Variants in LARGE1 observed in about 807,000 individuals in gnomAD.
LARGE1 encodes xylosyl- and glucuronyltransferase LARGE1.
Under a neutral mutation model 87.6 loss-of-function variants are expected in LARGE1, and 43 were observed. The observed-to-expected ratio is 0.49, with a 90% CI of 0.38 to 0.63. The LOEUF is 0.63. Ranked by LOEUF, LARGE1 falls within the 30% of genes least tolerant of loss-of-function variation. LARGE1 has a pLI of 0.00. For missense variants in LARGE1, 802 were observed against 1,000.2 expected, an observed-to-expected ratio of 0.80 and a Z score of 2.67; for synonymous variants, 434 against 394.6, an observed-to-expected ratio of 1.10 and a Z score of -1.18.
intron 11 of LARGE1, among the ~76,000 whole-genome samples, chr22:33,227,461 T>C (rs1925798463): frequency 6.6e-6 from 1 of 152,214 alleles, no homozygotes; most frequent in Non-Finnish European, 1.5e-5. Flanking sequence ...CCTACCCTAG[T>C]TACATTATCT....
rs372712948 is a variant in LARGE1, at chr22:33,660,916, T to G, written c.107-10248A>C. On this transcript the variant is annotated intron_variant, in intron 2 of 14. Coordinates refer to ENST00000397394, the MANE Select transcript of LARGE1 (RefSeq NM_133642.5). ...TGTGTTATTTGATATGAAATATTCATAGCCCTTATAAAATCCCACTAAAAT... is the reference window on the plus strand; with the variant it reads ...TGTGTTATTTGATATGAAATATTCAGAGCCCTTATAAAATCCCACTAAAAT... 3.9e-5 allele frequency among the ~76,000 whole-genome samples: 6 copies of G among 152,346 alleles called. No homozygotes were observed. In the East Asian group the frequency reaches 7.7e-4, roughly 20 times the overall value.
intron 2 of LARGE1, among the ~76,000 whole-genome samples, chr22:33,656,073 G>GTGTGTT (rs1293280341): frequency 6.6e-6 from 1 of 152,104 alleles, no homozygotes; most frequent in Non-Finnish European, 1.5e-5. Flanking sequence ...GTGTGTGTGT[G>GTGTGTT]TGTGTGTGTG....
intron 5 of LARGE1, among the ~76,000 whole-genome samples, chr22:33,575,399 C>T (rs779125755): frequency 3.9e-5 from 6 of 152,252 alleles, no homozygotes; most frequent in African/African-American, 7.2e-5. Flanking sequence ...ACCTCATAGG[C>T]AGTTTATGAC....
chr22:33,149,865 AT>A, the LARGE1 span, among the ~76,000 whole-genome samples: 2 of 152,154 alleles, frequency 1.3e-5, no homozygotes, highest in Non-Finnish European at 2.9e-5. Context: ...GCAATGCATC[AT>A]TGAATCTTTC....
intron 10 of LARGE1, among the ~76,000 whole-genome samples, chr22:33,323,167 A>G (rs562333563): frequency 6.6e-6 from 1 of 152,260 alleles, no homozygotes; most frequent in Non-Finnish European, 1.5e-5. Context: ...AACAAAAAAC[A>G]AAAACAAAAC....
intron 10 of LARGE1, among the ~76,000 whole-genome samples, chr22:33,317,154 C>T (rs912346840): frequency 2.6e-5 from 4 of 152,172 alleles, no homozygotes; most frequent in Non-Finnish European, 5.9e-5. Context: ...GCAGAGGTTG[C>T]AGTGAGCTGA....
the LARGE1 span, among the ~76,000 whole-genome samples, chr22:33,123,611 T>C: frequency 2.6e-4 from 39 of 152,302 alleles, no homozygotes; most frequent in Middle Eastern, 3.4e-3. Flanking sequence ...AATTATGAGC[T>C]ATGAATGGGT....
At chr22:33,914,766 C>T (rs564035012) in intron 1 of LARGE1, among the ~76,000 whole-genome samples, 2 of 152,272 alleles carry the variant, frequency 1.3e-5, no homozygotes, top group African/African-American at 4.8e-5. Context: ...GCTAAGCTAA[C>T]TGACTGAAGC....
At chr22:33,639,518 C>G (rs1311359356) in intron 3 of LARGE1, among the ~76,000 whole-genome samples, 1 of 152,222 alleles carries the variant, frequency 6.6e-6, no homozygotes, top group Non-Finnish European at 1.5e-5. Context: ...CTGCCTCCAC[C>G]TCATTTCATC....
intron 11 of LARGE1, among the ~76,000 whole-genome samples, chr22:33,182,459 C>T (rs529629499): frequency 1.3e-5 from 2 of 152,056 alleles, no homozygotes; most frequent in Admixed American, 1.3e-4. Flanking sequence ...ACAAGGATGC[C>T]AAGACAATTC....
At chr22:33,815,430 T>C (rs910933458) in intron 1 of LARGE1, among the ~76,000 whole-genome samples, 21 of 152,362 alleles carry the variant, frequency 1.4e-4, no homozygotes, top group Non-Finnish European at 2.9e-5. Flanking sequence ...TCTGTGAATA[T>C]TGCCCATTTT....
chr22:33,319,477 C>T (rs1409237587), intron 10 of LARGE1, among the ~76,000 whole-genome samples: 1 of 152,142 alleles, frequency 6.6e-6, no homozygotes, highest in Non-Finnish European at 1.5e-5. Context: ...CTCACTGCAA[C>T]CTCTGCCTCC....
intron 7 of LARGE1, among the ~76,000 whole-genome samples, chr22:33,426,080 C>T (rs1198325702): frequency 1.3e-5 from 2 of 152,144 alleles, no homozygotes; most frequent in Non-Finnish European, 2.9e-5. Context: ...ATTCACATCC[C>T]TTGCAGTGAC....
chr22:33,383,745 ACT>A (rs1459356282), intron 8 of LARGE1, among the ~76,000 whole-genome samples: 2 of 151,784 alleles, frequency 1.3e-5, no homozygotes, highest in Non-Finnish European at 2.9e-5. Flanking sequence ...TAAAGGTTAG[ACT>A]CTATTTGCCA....
intron 10 of LARGE1, among the ~76,000 whole-genome samples, chr22:33,335,099 G>GA (rs1233395611): frequency 1.1e-4 from 17 of 152,326 alleles, no homozygotes; most frequent in African/African-American, 3.6e-4. Context: ...TTTTATGGGA[G>GA]CCTTCTCCAT....
At position 33,596,460 on chromosome 22, in the gene LARGE1, C is replaced by T. The variant is rs183679026; in HGVS notation, c.615+7975G>A. Among the ~76,000 whole-genome samples the T allele has an allele frequency of 1.2e-3, 183 of 152,286 alleles. 1 individual carries two copies. The highest frequency in any genetic ancestry group is 1.7e-3 in the Non-Finnish European group (119 of 68,024). On this transcript the variant is annotated intron_variant, in intron 5 of 14. Coordinates refer to ENST00000397394, the MANE Select transcript of LARGE1 (RefSeq NM_133642.5). ...AACCAGCCTTCGTATTCAGAAACCACACAGATAATCCAAGAACCAATAAAA... is the reference window on the plus strand; with the variant it reads ...AACCAGCCTTCGTATTCAGAAACCATACAGATAATCCAAGAACCAATAAAA...
intron 4 of LARGE1, among the ~76,000 whole-genome samples, chr22:33,605,824 G>C (rs1303093774): frequency 2.0e-5 from 3 of 152,164 alleles, no homozygotes; most frequent in Non-Finnish European, 4.4e-5. Context: ...ATAAGCACGG[G>C]GCGGAATGTG....
At chr22:33,577,859 C>T (rs1305663721) in intron 5 of LARGE1, among the ~76,000 whole-genome samples, 1 of 152,210 alleles carries the variant, frequency 6.6e-6, no homozygotes, top group Admixed American at 6.5e-5. Context: ...TCTTTCACCA[C>T]ACATAGAAGG....
At chr22:33,080,423 T>C in the LARGE1 span, among the ~76,000 whole-genome samples, 1 of 152,242 alleles carries the variant, frequency 6.6e-6, no homozygotes, top group African/African-American at 2.4e-5. Flanking sequence ...CACCCCAGGA[T>C]GCAGGCTAAG....
Sources: gnomAD v4.1 joint callset for allele counts (sites outside exome capture counted in the v4.1 genomes callset) on GRCh38, gnomAD v4.1.1 for gene constraint, MANE v1.5 for transcripts, NCBI Gene and HGNC (gene_info 2026-07-23, HGNC 2026-07-21) for gene names.